Variants in PLG observed in about 807,000 individuals in gnomAD.
PLG encodes plasmin.
Under a neutral mutation model 104.4 loss-of-function variants are expected in PLG, and 41 were observed. The observed-to-expected ratio is 0.39, with a 90% CI of 0.31 to 0.51. PLG has a LOEUF of 0.51. Ranked by LOEUF, PLG falls within the 20% of genes least tolerant of loss-of-function variation. The probability of loss-of-function intolerance (pLI) is 0.76; values close to 1 mark genes in which losing one functional copy is unlikely to be tolerated. For missense variants in PLG, 891 were observed against 1,003.6 expected, an observed-to-expected ratio of 0.89 and a Z score of 1.52; for synonymous variants, 337 against 357.1, an observed-to-expected ratio of 0.94 and a Z score of 0.63.
rs1385652944 is a variant in PLG at position 160,714,864 on chromosome 6, C to T, written c.618C>T (p.Cys206=). ...CCAAGACCATGTCTGGACTGGAATG[C>T]CAGGCCTGGGACTCTCAGAGCCCAC... The part of the protein sequence containing the change: ...KISKTMSGLE[C]QAWDSQSPHA... The change falls in exon 6 of 19, where the codon TGC becomes TGT. Residue 206 remains cysteine (C), a synonymous_variant. Coordinates refer to ENST00000308192, the MANE Select transcript of PLG (RefSeq NM_000301.5). The T allele has an allele frequency of 1.2e-5, 19 of 1,613,400 alleles. No individual in the cohort carries two copies. Among genetic ancestry groups the T allele is most frequent in the Non-Finnish European group, 1.6e-5 (19 of 1,179,386 alleles).
At position 160,744,218 on chromosome 6, in the gene PLG, G is replaced by A. The variant is rs1288189307; in HGVS notation, c.2125+2801G>A. ...ACCCTCCTCCTCAGTTTTTTTGAAC[G>A]GTTTCAGTAGGAATGGTCATAGCTC... On this transcript the variant is annotated intron_variant, in intron 17 of 18. Coordinates refer to ENST00000308192, the MANE Select transcript of PLG (RefSeq NM_000301.5). The surrounding 1 kb of genome is among the most constrained non-coding windows in gnomAD (Gnocchi z 4.5). 6.6e-6 allele frequency among the ~76,000 whole-genome samples: 1 copy of A among 152,050 alleles called. No individual in the cohort carries two copies. Among genetic ancestry groups the A allele is most frequent in the Non-Finnish European group, 1.5e-5 (1 of 67,968 alleles).
intron 17 of PLG, among the ~76,000 whole-genome samples, chr6:160,749,605 TCACTACCATTATCAC>T (rs1336323742): frequency 7.1e-6 from 1 of 141,254 alleles, no homozygotes; most frequent in East Asian, 2.2e-4. Context: ...ACCATTATCA[TCACTACCATTATCAC>T]CACCACCATC....
At position 160,725,912 on chromosome 6, in the gene PLG, G is replaced by T. The variant is rs1309926352; in HGVS notation, c.1256+3345G>T. Among the ~76,000 whole-genome samples the T allele has an allele frequency of 1.3e-5, 2 of 152,200 alleles. No individual in the cohort carries two copies. On this transcript the variant is annotated intron_variant, in intron 10 of 18. Coordinates refer to ENST00000308192, the MANE Select transcript of PLG (RefSeq NM_000301.5). The surrounding 1 kb of genome is among the most constrained non-coding windows in gnomAD (Gnocchi z 6.3). ...ATCAAGACTTAACAATGCTAAATGG[G>T]TTGCACCCTCATAAGAGCCCTTCTG... is the stretch of plus-strand genomic sequence containing the variant.
rs749576462 is a variant in PLG, at chr6:160,731,522, G to T, written c.1439-223G>T. ...TATCTCAGTATCCCAGTCCAAATTC[G>T]TATTCTATCATGCTGCCATATGTGT... On this transcript the variant is annotated intron_variant, in intron 11 of 18. Coordinates refer to ENST00000308192, the MANE Select transcript of PLG (RefSeq NM_000301.5). The surrounding 1 kb of genome is among the most constrained non-coding windows in gnomAD (Gnocchi z 5.1). Among the ~76,000 whole-genome samples the T allele has an allele frequency of 6.6e-6, 1 of 152,122 alleles. No homozygotes were observed. Among genetic ancestry groups the T allele is most frequent in the Admixed American group, 6.5e-5 (1 of 15,276 alleles).
At chr6:160,706,101 G>A (rs1309002076) in intron 1 of PLG, 1 of 396,836 alleles carries the variant, frequency 2.5e-6, no homozygotes. Flanking sequence ...GGGTACAAAT[G>A]ATCCCATCAC....
At chr6:160,711,339 C>G (rs1314807668) in intron 4 of PLG, 148 bp downstream of exon 4, 7 of 761,174 alleles carry the variant, frequency 9.2e-6, no homozygotes, top group African/African-American at 1.8e-5. Flanking sequence ...TGCATATAAC[C>G]TACATACCTT....
At position 160,723,572 on chromosome 6, in the gene PLG, C is replaced by A. The variant is rs1464895241; in HGVS notation, c.1256+1005C>A. ...ACTGGAGTTGGGATTACTAAAACAG[C>A]TGAGATTTTCTAGGCTAGGTAATAA... On this transcript the variant is annotated intron_variant, in intron 10 of 18. Transcript: ENST00000308192. This position sits in a 1 kb window ranked among gnomAD's most constrained non-coding sequence, Gnocchi z 4.7. Among the ~76,000 whole-genome samples the A allele has an allele frequency of 6.6e-6, 1 of 152,090 alleles. No homozygotes were observed. The highest frequency in any genetic ancestry group is 2.4e-5 in the African/African-American group (1 of 41,416).
chr6:160,718,919 A>G, intron 9 of PLG, 81 bp downstream of exon 9: 1 of 1,221,052 alleles, frequency 8.2e-7, no homozygotes, highest in South Asian at 1.2e-5. Flanking sequence ...CACAATATAC[A>G]GTAGCTTTGT....
At chr6:160,716,851 G>C (rs1777740874) in intron 7 of PLG, 88 bp downstream of exon 7, 3 of 844,344 alleles carry the variant, frequency 3.6e-6, no homozygotes, top group Non-Finnish European at 6.3e-6. Context: ...CCTGAGTGCA[G>C]CCTCTGAAAA....
In PLG at chr6:160,735,406, G is replaced by C. The variant is rs2115177091; in HGVS notation, c.1681+1318G>C. ...CAGTAGTTTCCCAGGTGCAATTCTG[G>C]TGTCCTCACCCACATTGAGGATGTA... On this transcript the variant is annotated intron_variant, in intron 13 of 18. Coordinates refer to ENST00000308192, the MANE Select transcript of PLG (RefSeq NM_000301.5). This position sits in a 1 kb window ranked among gnomAD's most constrained non-coding sequence, Gnocchi z 5.4. 6.6e-6 allele frequency among the ~76,000 whole-genome samples: 1 copy of C among 152,266 alleles called. No individual in the cohort carries two copies. Among genetic ancestry groups the C allele is most frequent in the South Asian group, 2.1e-4 (1 of 4,822 alleles).
At chr6:160,711,272 C>A in intron 4 of PLG, 81 bp downstream of exon 4, 2 of 1,259,864 alleles carry the variant, frequency 1.6e-6, no homozygotes, top group South Asian at 2.6e-5. Flanking sequence ...TTCCAGGACC[C>A]CTGTGGCTAC....
At chr6:160,712,018 A>T in intron 4 of PLG, 1 of 723,492 alleles carries the variant, frequency 1.4e-6, no homozygotes, top group Non-Finnish European at 1.9e-6. Flanking sequence ...ACTCACCTTT[A>T]TCCATTCCCC....
chr6:160,702,220 G>C (rs1392805119), upstream of PLG: 18 of 1,502,940 alleles, frequency 1.2e-5, no homozygotes, highest in Non-Finnish European at 1.6e-5. Context: ...TGACTATCTG[G>C]TTTGTGGATG....
chr6:160,719,512 T>C lies in PLG; in HGVS notation c.1096+674T>C, dbSNP rs559789573. 3.9e-5 allele frequency among the ~76,000 whole-genome samples: 6 copies of C among 152,362 alleles called. No homozygotes were observed. Among genetic ancestry groups the C allele is most frequent in the African/African-American group, 1.4e-4 (6 of 41,588 alleles). On this transcript the variant is annotated intron_variant, in intron 9 of 18. Transcript: ENST00000308192. The surrounding 1 kb of genome is among the most constrained non-coding windows in gnomAD (Gnocchi z 4.1). ...AATTGAGATGTTCAAACCATTTGCATTCATGCAATTGTTAATAGAGTTGAA... is the reference window on the plus strand; with the variant it reads ...AATTGAGATGTTCAAACCATTTGCACTCATGCAATTGTTAATAGAGTTGAA...
chr6:160,717,701 G>C (rs553896157), intron 7 of PLG, among the ~76,000 whole-genome samples: 2 of 152,162 alleles, frequency 1.3e-5, no homozygotes, highest in African/African-American at 4.8e-5. Context: ...GAGGTGACAC[G>C]TGTTGATACT....
rs1237212056 is a variant in PLG at position 160,718,339 on chromosome 6, G to C, written c.833G>C (p.Gly278Ala). The C allele has an allele frequency of 6.2e-7, 1 of 1,613,966 alleles. No homozygotes were observed. The change falls in exon 8 of 19, where the codon GGA (glycine) becomes GCA (alanine). Residue 278 changes from glycine (G) to alanine (A), a missense_variant. This residue lies in a region of PLG where 854 missense variants were observed against 932.1 expected (regional missense o/e 0.92). Transcript: ENST00000308192. ...SSGPTYQCLKGTGENYRGNVA... is the reference protein window; with the variant it reads ...SSGPTYQCLKATGENYRGNVA... ...GGTCCCACCTACCAGTGTCTGAAGG[G>C]AACAGGTGAAAACTATCGCGGGAAT...
chr6:160,736,951 AG>A lies in PLG; in HGVS notation c.1752del (p.Cys585ValfsTer27). On this transcript the variant is annotated frameshift_variant, in exon 14 of 19. Transcript: ENST00000308192. LOFTEE classifies it high-confidence loss of function. This position sits in a 1 kb window ranked among gnomAD's most constrained non-coding sequence, Gnocchi z 5.2. ...EPKKCPGRVV[G>X]GCVAHPHSWP... The stretch of plus-strand genomic sequence containing the variant: ...CGAAGAAATGTCCTGGAAGGGTTGT[AG>A]GGGGGTGTGTGGCCCACCCACATTC... 1 of 1,613,994 alleles carries A rather than the reference AG, an allele frequency of 6.2e-7. No individual in the cohort carries two copies. The highest frequency in any genetic ancestry group is 8.5e-7 in the Non-Finnish European group (1 of 1,179,930).
rs1031295493 is a variant in PLG, at chr6:160,715,021, T to C, written c.668+107T>C. 5.3e-6 allele frequency: 6 copies of C among 1,139,964 alleles called. 1 individual carries two copies. The highest frequency in any genetic ancestry group is 3.9e-5 in the South Asian group (3 of 77,450). 70.6% of individuals were successfully genotyped at this position (1,139,964 alleles called of 1,614,324 possible). On this transcript the variant is annotated intron_variant, in intron 6 of 18. Coordinates refer to ENST00000308192, the MANE Select transcript of PLG (RefSeq NM_000301.5). ...TAGCATTCCTCAAGAAGTGAACGCC[T>C]GATGTTTTTAATTTCAAAGCTAACC...
intron 9 of PLG, among the ~76,000 whole-genome samples, chr6:160,721,290 A>G (rs993229658): frequency 6.6e-6 from 1 of 152,182 alleles, no homozygotes; most frequent in African/African-American, 2.4e-5. Context: ...TAATTCTTTA[A>G]TCAAACACTA....
Sources: allele counts gnomAD v4.1 joint callset (sites outside exome capture counted in the v4.1 genomes callset), GRCh38; gene constraint gnomAD v4.1.1; regional missense constraint gnomAD v4.1.1; non-coding constraint Gnocchi (gnomAD v3.1); transcripts MANE v1.5; gene names NCBI Gene and HGNC (gene_info 2026-07-23, HGNC 2026-07-21).